GLO1: variants seen among roughly 807,000 people sequenced by gnomAD.
GLO1 encodes the protein lactoylglutathione lyase.
In GLO1, 28 loss-of-function variants were observed where a neutral mutation model predicts 26.0. The ratio of observed to expected loss-of-function variants is 1.08; its 90% CI spans 0.80 to 1.48. GLO1 has a LOEUF of 1.48. GLO1 is among the 40% of genes most tolerant of loss of function. The probability of loss-of-function intolerance (pLI) is 0.00; values close to 1 mark genes in which losing one functional copy is unlikely to be tolerated. For missense variants in GLO1, 225 were observed against 224.8 expected, an observed-to-expected ratio of 1.00 and a Z score of -0.01; for synonymous variants, 78 against 77.6, an observed-to-expected ratio of 1.00 and a Z score of -0.03.
At chr6:38,680,965 A>T (rs1459065422) in intron 5 of GLO1, among the ~76,000 whole-genome samples, 1 of 152,228 alleles carries the variant, frequency 6.6e-6, no homozygotes, top group Non-Finnish European at 1.5e-5. Context: ...TATTATCTTT[A>T]AAAAATAAAA....
At chr6:38,688,719 C>T (rs1009932183) in intron 1 of GLO1, among the ~76,000 whole-genome samples, 2 of 152,204 alleles carry the variant, frequency 1.3e-5, no homozygotes, top group African/African-American at 4.8e-5. Flanking sequence ...GGAGGGAGCA[C>T]TGCAGTCCCT....
intron 1 of GLO1, among the ~76,000 whole-genome samples, chr6:38,697,303 G>A (rs1582782253): frequency 6.6e-6 from 1 of 152,202 alleles, no homozygotes; most frequent in Admixed American, 6.5e-5. Flanking sequence ...ACTCAAAACG[G>A]TATCTGTTAG....
In GLO1 at chr6:38,678,312, GAAAGAGAGAAAGAGAA is replaced by G. The variant is rs797020436; in HGVS notation, c.467-945_467-930del. 5.9e-3 allele frequency among the ~76,000 whole-genome samples: 830 copies of G among 141,702 alleles called. 8 individuals carry two copies. The highest frequency in any genetic ancestry group is 0.02 in the African/African-American group (769 of 38,202). The allele number at this position is 141,702 out of a possible 152,430, so 93.0% of individuals were successfully genotyped here. A position where few individuals can be genotyped will look rare whatever the true frequency, so the allele number is the denominator to read the frequency against. ...AGATGGAAAATGCAGGAAAAAGAAA[GAAAGAGAGAAAGAGAA>G]AGAGAAAGAGAAAGAGAGAAAGAGA... On this transcript the variant is annotated intron_variant, in intron 5 of 5. Transcript: ENST00000373365.
chr6:38,687,190 A>G (rs1033753850), intron 1 of GLO1: 1 of 695,308 alleles, frequency 1.4e-6, no homozygotes. Flanking sequence ...CCTTCAACCA[A>G]TGGTCGATAA....
chr6:38,690,541 T>TTA lies in GLO1; in HGVS notation c.85-3569_85-3568dup, dbSNP rs200983428. On this transcript the variant is annotated intron_variant, in intron 1 of 5. Coordinates refer to ENST00000373365, the MANE Select transcript of GLO1 (RefSeq NM_006708.3). ...AATGGTATATTAGCTTTTAAAAACA[T>TTA]TATATATATATACACACACACATGC... 3.2e-4 allele frequency among the ~76,000 whole-genome samples: 47 copies of TTA among 146,236 alleles called. 1 individual carries two copies. The highest frequency in any genetic ancestry group is 6.8e-4 in the Admixed American group (10 of 14,682).
Position 38,691,835 on chromosome 6 carries a change from G to T in GLO1, c.85-4861C>A, listed in dbSNP as rs564165696. ...AATTGCTTCAGCACCATTTGTTGAG[G>T]CTATCCTCCCTCTGGTGAACTGCTT... On this transcript the variant is annotated intron_variant, in intron 1 of 5. Coordinates refer to ENST00000373365, the MANE Select transcript of GLO1 (RefSeq NM_006708.3). Among the ~76,000 whole-genome samples the T allele has an allele frequency of 5.3e-5, 8 of 152,112 alleles. No homozygotes were observed. In the East Asian group the frequency reaches 1.5e-3, roughly 29 times the overall value.
At chr6:38,697,443 A>C (rs1294293434) in intron 1 of GLO1, among the ~76,000 whole-genome samples, 1 of 152,214 alleles carries the variant, frequency 6.6e-6, no homozygotes, top group African/African-American at 2.4e-5. Context: ...CCTAGGGCAG[A>C]AGGCCCCATG....
At chr6:38,679,569 A>G (rs1245077227) in intron 5 of GLO1, among the ~76,000 whole-genome samples, 1 of 152,066 alleles carries the variant, frequency 6.6e-6, no homozygotes, top group Non-Finnish European at 1.5e-5. Context: ...GCTGAGGCAG[A>G]AGGATCACTT....
intron 1 of GLO1, among the ~76,000 whole-genome samples, chr6:38,702,604 C>T (rs1263205967): frequency 6.6e-6 from 1 of 152,100 alleles, no homozygotes; most frequent in African/African-American, 2.4e-5. Flanking sequence ...CTGGGCAGGA[C>T]TGGTACAGGA....
chr6:38,693,677 C>CTATA (rs1482352322), intron 1 of GLO1, among the ~76,000 whole-genome samples: 22 of 97,156 alleles, frequency 2.3e-4, no homozygotes, highest in South Asian at 1.9e-3. Flanking sequence ...CTCTCTCTCT[C>CTATA]TCTCTCTCTA....
intron 2 of GLO1, among the ~76,000 whole-genome samples, chr6:38,686,540 A>T (rs1271132768): frequency 6.6e-6 from 1 of 152,236 alleles, no homozygotes; most frequent in African/African-American, 2.4e-5. Context: ...TGGTTTTCTG[A>T]GTAGTAAGTT....
chr6:38,697,225 T>C (rs1761624941), intron 1 of GLO1, among the ~76,000 whole-genome samples: 1 of 152,224 alleles, frequency 6.6e-6, no homozygotes, highest in Non-Finnish European at 1.5e-5. Context: ...GAAAGTCTTC[T>C]TAAGGCTCAA....
At chr6:38,685,623 ATAAGATTTACTC>A (rs1159254707) in intron 2 of GLO1, among the ~76,000 whole-genome samples, 1 of 152,204 alleles carries the variant, frequency 6.6e-6, no homozygotes, top group Non-Finnish European at 1.5e-5. Flanking sequence ...CTTATCACAA[ATAAGATTTACTC>A]TAACATGTTT....
intron 2 of GLO1, among the ~76,000 whole-genome samples, chr6:38,684,983 A>G (rs1457520923): frequency 6.6e-6 from 1 of 152,198 alleles, no homozygotes; most frequent in Non-Finnish European, 1.5e-5. Context: ...GGTAAGAAAG[A>G]AGGAGGAAGG....
chr6:38,692,849 T>C (rs1562488144), intron 1 of GLO1, among the ~76,000 whole-genome samples: 1 of 150,534 alleles, frequency 6.6e-6, no homozygotes, highest in Admixed American at 6.7e-5. Context: ...TTTTGTATAC[T>C]GAACCAGGCT....
intron 1 of GLO1, among the ~76,000 whole-genome samples, chr6:38,690,728 C>CAA (rs34326667): frequency 0.076 from 11,554 of 151,528 alleles, 610 homozygotes; most frequent in Middle Eastern, 0.18. Context: ...CTATACGTGG[C>CAA]AAAAAAAGTA....
At chr6:38,690,897 T>C (rs930723755) in intron 1 of GLO1, among the ~76,000 whole-genome samples, 2 of 152,218 alleles carry the variant, frequency 1.3e-5, no homozygotes, top group Non-Finnish European at 2.9e-5. Flanking sequence ...ATCACCAAAA[T>C]AGTCTGTTAA....
At chr6:38,683,635 C>T (rs1761416437) in intron 3 of GLO1, among the ~76,000 whole-genome samples, 1 of 152,158 alleles carries the variant, frequency 6.6e-6, no homozygotes, top group Non-Finnish European at 1.5e-5. Flanking sequence ...CGCCTGTAAT[C>T]CCAGCACTTT....
chr6:38,687,488 A>T (rs1472314447), intron 1 of GLO1, among the ~76,000 whole-genome samples: 2 of 152,222 alleles, frequency 1.3e-5, no homozygotes, highest in African/African-American at 4.8e-5. Context: ...TGAAGGCATA[A>T]ATGCCCTTCT....
Sources: gnomAD v4.1 joint callset for allele counts (sites outside exome capture counted in the v4.1 genomes callset) on GRCh38, gnomAD v4.1.1 for gene constraint, MANE v1.5 for transcripts, NCBI Gene and HGNC (gene_info 2026-07-23, HGNC 2026-07-21) for gene names.